ZNF790: variants seen among roughly 807,000 people sequenced by gnomAD.
ZNF790 encodes zinc finger protein 790.
In ZNF790, 8 loss-of-function variants were observed where a neutral mutation model predicts 12.1. That is an observed-to-expected ratio of 0.66 (90% CI 0.39 to 1.19). The LOEUF is 1.19. ZNF790 is among the 50% of genes most tolerant of loss of function. The pLI is 0.01. For synonymous variants in ZNF790, 252 were observed against 244.3 expected, an observed-to-expected ratio of 1.03 and a Z score of -0.29; for missense variants, 707 against 752.2, an observed-to-expected ratio of 0.94 and a Z score of 0.70.
At chr19:36,836,689 C>T (rs559743597) in intron 1 of ZNF790, among the ~76,000 whole-genome samples, 10 of 152,186 alleles carry the variant, frequency 6.6e-5, no homozygotes, top group South Asian at 4.1e-4. Context: ...ACCTGGGAGG[C>T]GGAGGTTGCA....
At chr19:36,846,421 C>T (rs1667373) in intron 1 of ZNF790, among the ~76,000 whole-genome samples, 8 of 152,040 alleles carry the variant, frequency 5.3e-5, no homozygotes, top group Admixed American at 4.6e-4. Context: ...AAAAATTAGC[C>T]GGGCATGGTG....
chr19:36,831,327 G>C (rs139593287), intron 1 of ZNF790, among the ~76,000 whole-genome samples: 105 of 149,500 alleles, frequency 7.0e-4, no homozygotes, highest in African/African-American at 2.4e-3. Context: ...AAAAATATAC[G>C]ATCTCAGGAG....
At chr19:36,833,869 A>G (rs961911910) in intron 1 of ZNF790, among the ~76,000 whole-genome samples, 1 of 152,240 alleles carries the variant, frequency 6.6e-6, no homozygotes, top group African/African-American at 2.4e-5. Flanking sequence ...AAAGATTTGA[A>G]TAAGATACAG....
intron 3 of ZNF790, 79 bp from the exon 4 acceptor site, chr19:36,823,459 G>C: frequency 2.8e-6 from 4 of 1,415,044 alleles, no homozygotes. Flanking sequence ...GGTTACTAAG[G>C]AAGAGAAACA....
At chr19:36,830,356 G>A (rs984329617) in intron 1 of ZNF790, among the ~76,000 whole-genome samples, 17 of 152,042 alleles carry the variant, frequency 1.1e-4, no homozygotes, top group African/African-American at 3.9e-4. Context: ...GACTTTTGAT[G>A]GTGAGCCAAC....
chr19:36,826,699 GATAA>G (rs1600655975), intron 1 of ZNF790, among the ~76,000 whole-genome samples: 1 of 149,978 alleles, frequency 6.7e-6, no homozygotes, highest in African/African-American at 2.4e-5. Flanking sequence ...AAGGGAATCA[GATAA>G]ATAAGTTGCA....
intron 3 of ZNF790, 41 bp from the exon 4 acceptor site, chr19:36,823,421 A>G: frequency 1.3e-6 from 2 of 1,583,222 alleles, no homozygotes; most frequent in Non-Finnish European, 1.7e-6. Context: ...CACATTGTAA[A>G]GATTCTAAAA....
At chr19:36,827,137 CACACAT>C (rs1449995818) in intron 1 of ZNF790, among the ~76,000 whole-genome samples, 45 of 72,584 alleles carry the variant, frequency 6.2e-4, no homozygotes, top group African/African-American at 2.7e-3. Context: ...CACACACACA[CACACAT>C]ATATATATAT....
chr19:36,826,888 G>T (rs2071816377), intron 1 of ZNF790, among the ~76,000 whole-genome samples: 1 of 149,784 alleles, frequency 6.7e-6, no homozygotes, highest in Admixed American at 6.7e-5. Flanking sequence ...GACTCTTGAG[G>T]GGCTGTTCTG....
At chr19:36,831,093 C>G (rs1040566740) in intron 1 of ZNF790, among the ~76,000 whole-genome samples, 4 of 151,804 alleles carry the variant, frequency 2.6e-5, no homozygotes, top group African/African-American at 9.7e-5. Flanking sequence ...GAGCCAAGAT[C>G]ACGCCACTGC....
chr19:36,830,742 C>T (rs1164046404), intron 1 of ZNF790, among the ~76,000 whole-genome samples: 1 of 152,130 alleles, frequency 6.6e-6, no homozygotes, highest in Non-Finnish European at 1.5e-5. Context: ...TACCCTTGCC[C>T]CATTCACTTT....
chr19:36,827,123 C>CAT (rs1373212371), intron 1 of ZNF790, among the ~76,000 whole-genome samples: 3 of 66,964 alleles, frequency 4.5e-5, no homozygotes, highest in African/African-American at 2.3e-4. Flanking sequence ...CACATACACA[C>CAT]ACACACACAC....
rs527331705 is a variant in ZNF790 at position 36,828,843 on chromosome 19, A to G, written c.-73-3151T>C. On this transcript the variant is annotated intron_variant, in intron 1 of 4. Coordinates refer to ENST00000356725, the MANE Select transcript of ZNF790 (RefSeq NM_206894.4). ...CCATGTAGACAGAAACAAGAAAATC[A>G]AAGTAAATCCCAACCATCAGGAAAC... Among the ~76,000 whole-genome samples the G allele has an allele frequency of 2.1e-3, 322 of 152,354 alleles. 1 individual carries two copies. Among genetic ancestry groups the G allele is most frequent in the African/African-American group, 7.5e-3 (310 of 41,574 alleles).
chr19:36,847,900 G>A (rs959658060), intron 1 of ZNF790, among the ~76,000 whole-genome samples: 7 of 152,144 alleles, frequency 4.6e-5, no homozygotes, highest in Admixed American at 1.3e-4. Flanking sequence ...CAGCATTCCT[G>A]CCCTGTGGAG....
At chr19:36,840,448 TG>T (rs1486274049), upstream of ZNF790, among the ~76,000 whole-genome samples, 1 of 152,200 alleles carries the variant, frequency 6.6e-6, no homozygotes, top group Non-Finnish European at 1.5e-5. Context: ...CAGTGAGTTG[TG>T]ACAATACATG....
intron 1 of ZNF790, among the ~76,000 whole-genome samples, chr19:36,849,803 C>T (rs1026142378): frequency 9.9e-5 from 15 of 151,784 alleles, no homozygotes; most frequent in African/African-American, 3.4e-4. Context: ...GATCTTGCCC[C>T]CCCCACCTCC....
chr19:36,827,141 CATATATAT>C (rs369671729), intron 1 of ZNF790, among the ~76,000 whole-genome samples: 15,938 of 84,030 alleles, frequency 0.19, 1,625 homozygotes, highest in South Asian at 0.29. Context: ...CACACACACA[CATATATAT>C]ATATATATAT....
chr19:36,828,953 A>G (rs1036505277), intron 1 of ZNF790, among the ~76,000 whole-genome samples: 2 of 152,240 alleles, frequency 1.3e-5, no homozygotes, highest in African/African-American at 2.4e-5. Flanking sequence ...TGATGCTACA[A>G]AGAAAAACAA....
chr19:36,835,018 T>C (rs1284377090), intron 1 of ZNF790, among the ~76,000 whole-genome samples: 1 of 152,220 alleles, frequency 6.6e-6, no homozygotes, highest in African/African-American at 2.4e-5. Flanking sequence ...CTGTGCACGG[T>C]GGCTCACACC....
Sources: allele counts gnomAD v4.1 joint callset (sites outside exome capture counted in the v4.1 genomes callset), GRCh38; gene constraint gnomAD v4.1.1; transcripts MANE v1.5; gene names NCBI Gene and HGNC (gene_info 2026-07-23, HGNC 2026-07-21).